The following PRKN variants were observed in gnomAD, a reference collection of about 807,000 sequenced individuals.
PRKN encodes the protein parkin RBR E3 ubiquitin protein ligase, also known as E3 ubiquitin-protein ligase parkin.
PRKN carries 56 observed loss-of-function variants against 59.5 expected under a neutral mutation model. The observed-to-expected ratio is 0.94, with a 90% CI of 0.76 to 1.18. The LOEUF is 1.18. Among genes scored for constraint, PRKN ranks in the 50% most tolerant of loss-of-function variants. PRKN has a pLI of 0.00. For synonymous variants in PRKN, 250 were observed against 222.1 expected (o/e 1.13, Z -1.12); for missense variants, 657 against 596.4 (o/e 1.10, Z -1.06).
intron 1 of PRKN, among the ~76,000 whole-genome samples, chr6:162,481,765 A>G (rs1216874420): frequency 6.6e-6 from 1 of 152,190 alleles, no homozygotes; most frequent in Non-Finnish European, 1.5e-5. Flanking sequence ...TAAAAGTCAA[A>G]GAACTATAAA....
chr6:162,321,732 G>A (rs1783032970), intron 2 of PRKN, among the ~76,000 whole-genome samples: 1 of 151,846 alleles, frequency 6.6e-6, no homozygotes, highest in East Asian at 1.9e-4. Context: ...AATTTACCAT[G>A]GTAAGAGAGT....
chr6:161,706,520 G>A (rs992302229), intron 7 of PRKN, among the ~76,000 whole-genome samples: 18 of 152,180 alleles, frequency 1.2e-4, no homozygotes, highest in African/African-American at 3.6e-4. Flanking sequence ...CAACTGGCAC[G>A]CAGGAAGGAA....
At chr6:161,541,635 A>C (rs972880853) in intron 9 of PRKN, among the ~76,000 whole-genome samples, 5 of 152,112 alleles carry the variant, frequency 3.3e-5, no homozygotes, top group African/African-American at 1.2e-4. Flanking sequence ...AGCCTGACCA[A>C]CATGGTGCAA....
intron 1 of PRKN, among the ~76,000 whole-genome samples, chr6:162,519,703 C>A (rs1778009957): frequency 6.6e-6 from 1 of 152,024 alleles, no homozygotes; most frequent in Non-Finnish European, 1.5e-5. Context: ...GGCACTTAGT[C>A]CAAATGCATT....
chr6:162,595,244 TTTTTTTCTTTTTC>T (rs1347757698), intron 1 of PRKN, among the ~76,000 whole-genome samples: 7 of 152,160 alleles, frequency 4.6e-5, no homozygotes, highest in East Asian at 3.9e-4. Flanking sequence ...CTGAGTTTTC[TTTTTTTCTTTTTC>T]TTTTTTCTTT....
chr6:161,606,989 G>A (rs186605031), intron 7 of PRKN, among the ~76,000 whole-genome samples: 4 of 152,256 alleles, frequency 2.6e-5, no homozygotes, highest in Admixed American at 6.5e-5. Context: ...TGAAATCAGG[G>A]AATTACATGG....
chr6:161,879,875 G>T (rs1288072793), intron 6 of PRKN, among the ~76,000 whole-genome samples: 4 of 151,828 alleles, frequency 2.6e-5, no homozygotes, highest in African/African-American at 7.3e-5. Context: ...TTTTGTTTCA[G>T]ATCTGTAGGA....
intron 6 of PRKN, among the ~76,000 whole-genome samples, chr6:161,939,610 T>C (rs1337754672): frequency 6.6e-6 from 1 of 151,114 alleles, no homozygotes; most frequent in Non-Finnish European, 1.5e-5. Flanking sequence ...TGGGTTCCTG[T>C]AATCCCAGCT....
At chr6:162,324,398 A>T (rs1783173518) in intron 2 of PRKN, among the ~76,000 whole-genome samples, 1 of 152,162 alleles carries the variant, frequency 6.6e-6, no homozygotes, top group Non-Finnish European at 1.5e-5. Flanking sequence ...ATTCACAAAC[A>T]TTTATATGCC....
intron 2 of PRKN, among the ~76,000 whole-genome samples, chr6:162,419,687 CT>C (rs1788849262): frequency 6.6e-6 from 1 of 151,880 alleles, no homozygotes; most frequent in Non-Finnish European, 1.5e-5. Context: ...TTGAAAAATG[CT>C]TTTTGGTATT....
rs528564612 is a variant in PRKN, at chr6:161,698,514, CTG to C, written c.871+87256_871+87257del. On this transcript the variant is annotated intron_variant, in intron 7 of 11. Transcript: ENST00000366898. ...GGGCAAATGACTTAGAATATGTAAA[CTG>C]TTTTTTTAAAAGGACAAATCTGAAC... Among the ~76,000 whole-genome samples the C allele has an allele frequency of 1.3e-3, 202 of 152,192 alleles. 1 individual carries two copies. Among genetic ancestry groups the C allele is most frequent in the African/African-American group, 4.7e-3 (197 of 41,566 alleles).
intron 7 of PRKN, among the ~76,000 whole-genome samples, chr6:161,586,876 A>G (rs1354199612): frequency 6.6e-6 from 1 of 152,210 alleles, no homozygotes; most frequent in Non-Finnish European, 1.5e-5. Flanking sequence ...AACAACAACC[A>G]ATTATGAAGA....
chr6:162,585,753 A>G (rs1781021482), intron 1 of PRKN, among the ~76,000 whole-genome samples: 2 of 151,978 alleles, frequency 1.3e-5, no homozygotes, highest in Non-Finnish European at 2.9e-5. Flanking sequence ...CCCAAGCTGG[A>G]GTGCAATGGT....
rs551398941 is a variant in PRKN at position 161,546,876 on chromosome 6, T to G, written c.1083+1978A>C. 3.3e-5 allele frequency among the ~76,000 whole-genome samples: 5 copies of G among 152,200 alleles called. No individual in the cohort carries two copies. In the South Asian group the frequency reaches 1.0e-3, roughly 32 times the overall value. On this transcript the variant is annotated intron_variant, in intron 9 of 11. Transcript: ENST00000366898. The surrounding 1 kb of genome is among the most constrained non-coding windows in gnomAD (Gnocchi z 4.4). ...ACAGCCTAAGACAAGGGCCATGTGG[T>G]GAGGAACTGTGGCCTTCTGACAACA...
At chr6:161,694,235 T>C (rs1785922620) in intron 7 of PRKN, among the ~76,000 whole-genome samples, 1 of 151,724 alleles carries the variant, frequency 6.6e-6, no homozygotes, top group Admixed American at 6.6e-5. Flanking sequence ...TTAATAGTAA[T>C]AATAATAAGA....
chr6:162,716,751 C>T (rs1046116897), intron 1 of PRKN, among the ~76,000 whole-genome samples: 16 of 150,666 alleles, frequency 1.1e-4, no homozygotes, highest in Middle Eastern at 6.9e-3. Flanking sequence ...ATACACCCTA[C>T]CCGCCTGCGC....
intron 6 of PRKN, among the ~76,000 whole-genome samples, chr6:161,905,118 C>T (rs1237399941): frequency 6.6e-6 from 1 of 152,178 alleles, no homozygotes; most frequent in Admixed American, 6.5e-5. Context: ...CCCTCCACTT[C>T]CCAGCTTTTT....
intron 9 of PRKN, among the ~76,000 whole-genome samples, chr6:161,430,549 C>T (rs966963322): frequency 6.6e-6 from 1 of 152,148 alleles, no homozygotes; most frequent in African/African-American, 2.4e-5. Flanking sequence ...GGCGTGGTGG[C>T]TCACGCCTGT....
rs537218550 is a variant in PRKN at position 161,494,994 on chromosome 6, C to G, written c.1083+53860G>C. Among the ~76,000 whole-genome samples, 5 of 152,162 alleles carry G rather than the reference C, an allele frequency of 3.3e-5. No homozygotes were observed. The East Asian group carries it at 7.7e-4, about 23-fold the overall frequency. On this transcript the variant is annotated intron_variant, in intron 9 of 11. Transcript: ENST00000366898. ...GGTGCTATACATTGGAAATAAAATG[C>G]GAGCCACACATATAAATTGTATTTT...
Sources: gnomAD v4.1 joint callset for allele counts (sites outside exome capture counted in the v4.1 genomes callset) on GRCh38, gnomAD v4.1.1 for gene constraint, Gnocchi (gnomAD v3.1) non-coding constraint, MANE v1.5 for transcripts, NCBI Gene and HGNC (gene_info 2026-07-23, HGNC 2026-07-21) for gene names.